Variants in LRIG3 observed in about 807,000 individuals in gnomAD.
The protein encoded by LRIG3 is leucine rich repeats and immunoglobulin like domains 3.
Under a neutral mutation model 114.5 loss-of-function variants are expected in LRIG3, and 76 were observed. The ratio of observed to expected loss-of-function variants is 0.66; its 90% CI spans 0.55 to 0.80. LRIG3 has a LOEUF of 0.80. Among genes scored for constraint, LRIG3 ranks in the 30% least tolerant of loss-of-function variants. The probability of loss-of-function intolerance (pLI) is 0.00; values close to 1 mark genes in which losing one functional copy is unlikely to be tolerated. For synonymous variants in LRIG3, 512 were observed against 519.8 expected (o/e 0.98, Z 0.20); for missense variants, 1,239 against 1,382.8 (o/e 0.90, Z 1.65).
rs1480504153 is a variant in LRIG3, at chr12:58,883,517, T to G, written c.1316+3A>C. The G allele has an allele frequency of 6.5e-7, 1 of 1,535,046 alleles. No individual in the cohort carries two copies. The highest frequency in any genetic ancestry group is 8.9e-7 in the Non-Finnish European group (1 of 1,125,550). ...GACTCCTAGAAGGAAAAGAAAAGCT[T>G]ACAATTGTTGCAGTTTCTTCATTTG... is the stretch of plus-strand genomic sequence containing the variant. On this transcript the variant is annotated splice_donor_region_variant and intron_variant, in intron 11 of 18. Coordinates refer to ENST00000320743, the MANE Select transcript of LRIG3 (RefSeq NM_153377.5).
rs549738046 is a variant in LRIG3 at position 58,876,475 on chromosome 12, C to T, written c.2665G>A (p.Gly889Arg). 47 of 1,614,010 alleles carry T rather than the reference C, an allele frequency of 2.9e-5. 1 individual carries two copies. The South Asian group carries it at 4.9e-4, about 17-fold the overall frequency. Residue 889 changes from glycine (G) to arginine (R), a missense_variant, in exon 16 of 19, where the codon GGA (glycine) becomes AGA (arginine). By Grantham distance (125) the Gly-to-Arg change is moderately radical. Coordinates refer to ENST00000320743, the MANE Select transcript of LRIG3 (RefSeq NM_153377.5). ...CTGTCATGTTGTGGTAAGAAAAATCCAGCACCTGAAGATGTGACAAACTGG... is the reference window on the plus strand; with the variant it reads ...CTGTCATGTTGTGGTAAGAAAAATCTAGCACCTGAAGATGTGACAAACTGG... ...HHQFVTSSGA[G>R]FFLPQHDSSG...
intron 1 of LRIG3, among the ~76,000 whole-genome samples, chr12:58,915,201 TTGAC>T (rs1872432094): frequency 6.6e-6 from 1 of 152,224 alleles, no homozygotes; most frequent in South Asian, 2.1e-4. Flanking sequence ...TGTTAACACA[TTGAC>T]TATGTGCCTT....
At chr12:58,918,674 C>T (rs1872562815) in intron 1 of LRIG3, among the ~76,000 whole-genome samples, 1 of 152,138 alleles carries the variant, frequency 6.6e-6, no homozygotes, top group Non-Finnish European at 1.5e-5. Context: ...GCAGCATGAC[C>T]TCCACAAGAG....
At chr12:58,918,805 C>T (rs950354601) in intron 1 of LRIG3, among the ~76,000 whole-genome samples, 2 of 152,228 alleles carry the variant, frequency 1.3e-5, no homozygotes, top group African/African-American at 2.4e-5. Flanking sequence ...AATTAAATAT[C>T]AATCCAATAC....
intron 3 of LRIG3, among the ~76,000 whole-genome samples, chr12:58,895,881 T>G (rs1182283524): frequency 1.3e-5 from 2 of 152,176 alleles, no homozygotes; most frequent in Admixed American, 6.5e-5. Flanking sequence ...GGGCACACAC[T>G]GTGCTTTTCT....
At chr12:58,914,812 C>T (rs1323604573) in intron 1 of LRIG3, among the ~76,000 whole-genome samples, 1 of 152,202 alleles carries the variant, frequency 6.6e-6, no homozygotes, top group African/African-American at 2.4e-5. Flanking sequence ...ATTTGTTTCT[C>T]TGCGTTAAAG....
chr12:58,876,401 T>C, intron 16 of LRIG3, 44 bp downstream of exon 16: 1 of 1,596,486 alleles, frequency 6.3e-7, no homozygotes, highest in Non-Finnish European at 8.6e-7. Context: ...TTCCACCATA[T>C]GACTTCAAAA....
Position 58,883,668 on chromosome 12 carries a change from C to A in LRIG3, c.1245-77G>T, listed in dbSNP as rs1379505153. The stretch of plus-strand genomic sequence containing the variant: ...CTTTTGGACAAAGTTTGGGCCCCCA[C>A]TGCCCACCCCATTTGCCAAACAAAT... On this transcript the variant is annotated intron_variant, in intron 10 of 18. Coordinates refer to ENST00000320743, the MANE Select transcript of LRIG3 (RefSeq NM_153377.5). 12 of 995,360 alleles carry A rather than the reference C, an allele frequency of 1.2e-5. No individual in the cohort carries two copies. The Admixed American group carries it at 2.2e-4, about 18-fold the overall frequency. 61.7% of individuals were successfully genotyped at this position (995,360 alleles called of 1,614,324 possible).
chr12:58,893,196 C>A (rs760201167), intron 3 of LRIG3, among the ~76,000 whole-genome samples: 1 of 152,144 alleles, frequency 6.6e-6, no homozygotes, highest in African/African-American at 2.4e-5. Flanking sequence ...GGGGACAAAA[C>A]GGGCATACAT....
At chr12:58,916,957 C>T (rs1033884584) in intron 1 of LRIG3, among the ~76,000 whole-genome samples, 1 of 152,118 alleles carries the variant, frequency 6.6e-6, no homozygotes, top group Non-Finnish European at 1.5e-5. Flanking sequence ...CCCACTGGGG[C>T]CTGCAGAGCT....
intron 3 of LRIG3, 23 bp downstream of exon 3, chr12:58,913,959 G>A (rs779431082): frequency 6.3e-7 from 1 of 1,596,958 alleles, no homozygotes. Context: ...CATACATGAG[G>A]AATTCTGCTG....
At position 58,888,335 on chromosome 12, in the gene LRIG3, C is replaced by T. The variant is rs760313447; in HGVS notation, c.941G>A (p.Ser314Asn). 32 of 1,612,970 alleles carry T rather than the reference C, an allele frequency of 2.0e-5. No individual in the cohort carries two copies. Among genetic ancestry groups the T allele is most frequent in the Middle Eastern group, 1.6e-4 (1 of 6,074 alleles). Residue 314 changes from serine to asparagine, a missense_variant, in exon 7 of 19, where the codon AGT becomes AAT. Physicochemically the swap from Ser to Asn is conservative, Grantham distance 46. Coordinates refer to ENST00000320743, the MANE Select transcript of LRIG3 (RefSeq NM_153377.5). ...PDAWEFCQKLSELDLTFNHLS... is the reference protein window; with the variant it reads ...PDAWEFCQKLNELDLTFNHLS... ...TAAATAAAAGGCAACTCACAGCTCA[C>T]TGAGCTTCTGGCAGAACTCCCAGGC... is the stretch of plus-strand genomic sequence containing the variant.
chr12:58,894,231 G>A (rs907937117), intron 3 of LRIG3, among the ~76,000 whole-genome samples: 5 of 152,184 alleles, frequency 3.3e-5, no homozygotes, highest in African/African-American at 4.8e-5. Flanking sequence ...TAGACGGAGC[G>A]TGCACAGTGC....
At chr12:58,876,683 C>G in intron 15 of LRIG3, 80 bp from the exon 16 acceptor site, 9 of 1,473,436 alleles carry the variant, frequency 6.1e-6, no homozygotes, top group Middle Eastern at 1.8e-4. Context: ...ATGGCATAGA[C>G]TATTTTGGCT....
chr12:58,918,673 C>G (rs982569679), intron 1 of LRIG3, among the ~76,000 whole-genome samples: 1 of 152,188 alleles, frequency 6.6e-6, no homozygotes, highest in African/African-American at 2.4e-5. Context: ...GGCAGCATGA[C>G]CTCCACAAGA....
At position 58,920,370 on chromosome 12, in the gene LRIG3, A is replaced by T. The variant is rs896254293; in HGVS notation, c.-135T>A. On this transcript the variant is annotated 5_prime_UTR_variant, in exon 1 of 19. Coordinates refer to ENST00000320743, the MANE Select transcript of LRIG3 (RefSeq NM_153377.5). ...CGCTCCTCCCTCGCGCTGCCCGGTC[A>T]ATTCCTTCTTTTACTCCCGGCGGCG... 1.7e-6 allele frequency: 1 copy of T among 582,594 alleles called. No individual in the cohort carries two copies. The allele number at this position is 582,594 out of a possible 1,614,324, so 36.1% of individuals were successfully genotyped here. A position where few individuals can be genotyped will look rare whatever the true frequency, so the allele number is the denominator to read the frequency against.
At chr12:58,885,938 A>T (rs1293104956) in intron 9 of LRIG3, 36 bp from the exon 10 acceptor site, 1 of 1,463,822 alleles carries the variant, frequency 6.8e-7, no homozygotes, top group Non-Finnish European at 9.4e-7. Context: ...ACTTAATTTA[A>T]AAAGCCATTT....
Position 58,919,295 on chromosome 12 carries a change from C to A in LRIG3, c.236+705G>T, listed in dbSNP as rs542536374. 11 of 1,229,264 alleles carry A rather than the reference C, an allele frequency of 8.9e-6. No individual in the cohort carries two copies. The African/African-American group carries it at 1.7e-4, about 19-fold the overall frequency. The allele number at this position is 1,229,264 out of a possible 1,614,324, so 76.1% of individuals were successfully genotyped here. A position where few individuals can be genotyped will look rare whatever the true frequency, so the allele number is the denominator to read the frequency against. On this transcript the variant is annotated intron_variant, in intron 1 of 18. Transcript: ENST00000320743. The stretch of plus-strand genomic sequence containing the variant: ...CAAAAACTTGCATAAGAGCTCCCTG[C>A]GCTCTCCCCTAAACCGTCTGGGCGT...
intron 3 of LRIG3, among the ~76,000 whole-genome samples, chr12:58,903,107 A>G (rs1437544625): frequency 6.6e-6 from 1 of 152,148 alleles, no homozygotes; most frequent in African/African-American, 2.4e-5. Context: ...GGCTGGGTCA[A>G]ATGGTATTTC....
Sources: gnomAD v4.1 joint callset for allele counts (sites outside exome capture counted in the v4.1 genomes callset) on GRCh38, gnomAD v4.1.1 for gene constraint, MANE v1.5 for transcripts, NCBI Gene and HGNC (gene_info 2026-07-23, HGNC 2026-07-21) for gene names.